Variants in RBPMS observed in about 807,000 individuals in gnomAD.
The protein encoded by RBPMS is RNA-binding protein with multiple splicing.
Under a neutral mutation model 26.8 loss-of-function variants are expected in RBPMS, and 7 were observed. The observed-to-expected ratio is 0.26, with a 90% CI of 0.15 to 0.49. RBPMS has a LOEUF of 0.49. Among genes scored for constraint, RBPMS ranks in the 20% least tolerant of loss-of-function variants. RBPMS has a pLI of 0.98. For missense variants in RBPMS, 186 were observed against 250.0 expected, an observed-to-expected ratio of 0.74 and a Z score of 1.73; for synonymous variants, 96 against 93.3, an observed-to-expected ratio of 1.03 and a Z score of -0.17.
At chr8:30,504,543 C>A in intron 5 of RBPMS, 107 bp downstream of exon 5, 1 of 1,170,230 alleles carries the variant, frequency 8.5e-7, no homozygotes, top group Non-Finnish European at 1.2e-6. Context: ...TCTTATTTTC[C>A]ATTTCTGTGA....
intron 1 of RBPMS, among the ~76,000 whole-genome samples, chr8:30,410,193 T>TACAC (rs1809187730): frequency 4.8e-5 from 5 of 104,668 alleles, no homozygotes; most frequent in Admixed American, 3.6e-4. Flanking sequence ...CACACACACT[T>TACAC]AACTGCTACT....
rs1828229473 is a variant in RBPMS, at chr8:30,570,990, C to T, written c.*465C>T. The T allele has an allele frequency of 6.6e-6, 1 of 152,076 alleles. No homozygotes were observed. Among genetic ancestry groups the T allele is most frequent in the Admixed American group, 6.5e-5 (1 of 15,282 alleles). 9.4% of individuals were successfully genotyped at this position (152,076 alleles called of 1,614,324 possible). Reference sequence around the variant, plus strand: ...GTAATTAAAAATATCTATTTTTTTCCTCTGAAGTAAGTTGCATGTTTGAGG... The same window carrying T: ...GTAATTAAAAATATCTATTTTTTTCTTCTGAAGTAAGTTGCATGTTTGAGG... On this transcript the variant is annotated 3_prime_UTR_variant, in exon 9 of 9. Coordinates refer to ENST00000397323, the MANE Select transcript of RBPMS (RefSeq NM_001008710.3).
At chr8:30,470,575 A>G (rs913338726) in intron 1 of RBPMS, among the ~76,000 whole-genome samples, 3 of 152,208 alleles carry the variant, frequency 2.0e-5, no homozygotes, top group African/African-American at 4.8e-5. Flanking sequence ...AGTTGGAATC[A>G]AATACATAAT....
intron 1 of RBPMS, among the ~76,000 whole-genome samples, chr8:30,415,986 C>G (rs1810026802): frequency 6.6e-6 from 1 of 152,162 alleles, no homozygotes; most frequent in African/African-American, 2.4e-5. Flanking sequence ...TTGTAACATT[C>G]CAAGTGATAT....
At chr8:30,426,509 GA>G (rs1811361904) in intron 1 of RBPMS, among the ~76,000 whole-genome samples, 1 of 152,260 alleles carries the variant, frequency 6.6e-6, no homozygotes, top group South Asian at 2.1e-4. Context: ...TTGGGGTCCT[GA>G]ATAGGTAGCA....
At chr8:30,550,474 G>A (rs3779639) in intron 6 of RBPMS, among the ~76,000 whole-genome samples, 81,970 of 151,992 alleles carry the variant, frequency 0.54, 22,795 homozygotes, top group African/African-American at 0.69. Context: ...TGAATTTTCA[G>A]TAAGGAGAAG....
At chr8:30,566,187 C>A in intron 7 of RBPMS, 70 bp from the exon 8 acceptor site, 1 of 904,890 alleles carries the variant, frequency 1.1e-6, no homozygotes, top group Non-Finnish European at 1.3e-6. Flanking sequence ...ACAGGCCGGT[C>A]TTCAAGACCG....
intron 6 of RBPMS, among the ~76,000 whole-genome samples, chr8:30,557,308 G>T (rs184485143): frequency 1.3e-5 from 2 of 152,320 alleles, no homozygotes; most frequent in East Asian, 3.9e-4. Context: ...GCCGCCTTGT[G>T]CTCGGACCAG....
chr8:30,464,179 A>G (rs1816249535), intron 1 of RBPMS, among the ~76,000 whole-genome samples: 1 of 152,170 alleles, frequency 6.6e-6, no homozygotes, highest in South Asian at 2.1e-4. Context: ...ACGTGTTCAT[A>G]TCTAGATATT....
intron 1 of RBPMS, among the ~76,000 whole-genome samples, chr8:30,409,835 G>A (rs1432339044): frequency 5.3e-5 from 8 of 151,878 alleles, no homozygotes; most frequent in East Asian, 3.9e-4. Flanking sequence ...GTTTCACCAC[G>A]TTGGCCAGGC....
chr8:30,543,153 C>T (rs1825558202), intron 5 of RBPMS, among the ~76,000 whole-genome samples: 1 of 152,154 alleles, frequency 6.6e-6, no homozygotes, highest in Admixed American at 6.5e-5. Context: ...AAAATGGGTA[C>T]AAACTGCCCT....
chr8:30,423,476 G>T (rs1811021041), intron 1 of RBPMS, among the ~76,000 whole-genome samples: 1 of 152,188 alleles, frequency 6.6e-6, no homozygotes, highest in African/African-American at 2.4e-5. Context: ...AGTTAGGCCT[G>T]TGCTTGTTCT....
intron 4 of RBPMS, among the ~76,000 whole-genome samples, chr8:30,482,960 T>C (rs1312317068): frequency 1.3e-5 from 2 of 152,154 alleles, no homozygotes; most frequent in African/African-American, 2.4e-5. Flanking sequence ...AAAATTCTGA[T>C]TTGTGGAAAT....
At chr8:30,570,114 T>C (rs1384797090) in intron 8 of RBPMS, among the ~76,000 whole-genome samples, 1 of 150,198 alleles carries the variant, frequency 6.7e-6, no homozygotes, top group Admixed American at 6.6e-5. Flanking sequence ...GTTTCAGTGG[T>C]CACCTAAATA....
intron 5 of RBPMS, among the ~76,000 whole-genome samples, chr8:30,527,608 T>C (rs1390847013): frequency 2.6e-5 from 4 of 152,142 alleles, no homozygotes. Context: ...ACACTGTGTG[T>C]GCTGTGGGCT....
intron 7 of RBPMS, among the ~76,000 whole-genome samples, chr8:30,562,906 A>G (rs1452953416): frequency 6.6e-6 from 1 of 152,200 alleles, no homozygotes; most frequent in East Asian, 1.9e-4. Context: ...GCTAAAGAGA[A>G]ATCAGTGACT....
chr8:30,474,745 C>A (rs1298585992), intron 1 of RBPMS, 34 bp from the exon 2 acceptor site: 1 of 1,307,628 alleles, frequency 7.6e-7, no homozygotes, highest in Non-Finnish European at 1.1e-6. Flanking sequence ...GGAGTGTCCA[C>A]ACCCTTGATC....
chr8:30,433,920 A>C (rs1471066899), intron 1 of RBPMS, among the ~76,000 whole-genome samples: 1 of 152,194 alleles, frequency 6.6e-6, no homozygotes, highest in East Asian at 1.9e-4. Context: ...AAATGGCTGA[A>C]CAGTCATTAA....
At chr8:30,554,929 C>T (rs898671473) in intron 6 of RBPMS, among the ~76,000 whole-genome samples, 3 of 152,170 alleles carry the variant, frequency 2.0e-5, no homozygotes, top group African/African-American at 7.2e-5. Context: ...TAGAGTTTTA[C>T]CCTGTGCCAG....
Sources: gnomAD v4.1 joint callset for allele counts (sites outside exome capture counted in the v4.1 genomes callset) on GRCh38, gnomAD v4.1.1 for gene constraint, MANE v1.5 for transcripts, NCBI Gene and HGNC (gene_info 2026-07-23, HGNC 2026-07-21) for gene names.